ZNF678: variants seen among roughly 807,000 people sequenced by gnomAD.
ZNF678 encodes the protein zinc finger protein 678.
ZNF678 carries 5 observed loss-of-function variants against 3.0 expected under a neutral mutation model. The ratio of observed to expected loss-of-function variants is 1.69; its 90% confidence interval spans 0.88 to 3.56. The LOEUF is 3.56. Among genes scored for constraint, ZNF678 ranks in the 30% most tolerant of loss-of-function variants. The probability of loss-of-function intolerance (pLI) is 0.00; values close to 1 mark genes in which losing one functional copy is unlikely to be tolerated. For synonymous variants in ZNF678, 218 were observed against 199.6 expected, an observed-to-expected ratio of 1.09 and a Z score of -0.78; for missense variants, 593 against 605.0, an observed-to-expected ratio of 0.98 and a Z score of 0.21.
At chr1:227,586,581 A>G (rs1305933744) in intron 1 of ZNF678, among the ~76,000 whole-genome samples, 1 of 152,230 alleles carries the variant, frequency 6.6e-6, no homozygotes. Context: ...ATAAGTAACT[A>G]AGAGTCTGCT....
At chr1:227,634,408 C>T (rs1658624145) in intron 1 of ZNF678, among the ~76,000 whole-genome samples, 1 of 152,140 alleles carries the variant, frequency 6.6e-6, no homozygotes, top group South Asian at 2.1e-4. Context: ...AGGTATAGCA[C>T]CAAGTGAGCT....
intron 1 of ZNF678, among the ~76,000 whole-genome samples, chr1:227,642,040 G>A (rs1479601004): frequency 6.6e-6 from 1 of 152,180 alleles, no homozygotes; most frequent in African/African-American, 2.4e-5. Context: ...TGTTAGAGAA[G>A]GCTTCATGAG....
chr1:227,633,928 C>A (rs1658613256), intron 1 of ZNF678, among the ~76,000 whole-genome samples: 1 of 152,198 alleles, frequency 6.6e-6, no homozygotes, highest in Non-Finnish European at 1.5e-5. Flanking sequence ...CTCCCCTAAC[C>A]CCAGGCTTCA....
At chr1:227,678,178 G>A (rs2102824288), downstream of ZNF678, among the ~76,000 whole-genome samples, 1 of 152,272 alleles carries the variant, frequency 6.6e-6, no homozygotes, top group African/African-American at 2.4e-5. Flanking sequence ...AGGGTATGGG[G>A]ATATAAACGC....
downstream of ZNF678, among the ~76,000 whole-genome samples, chr1:227,666,144 C>A (rs1659501252): frequency 6.6e-6 from 1 of 152,158 alleles, no homozygotes; most frequent in Non-Finnish European, 1.5e-5. Flanking sequence ...TCTGATACTT[C>A]TGAAATGGTA....
intron 1 of ZNF678, among the ~76,000 whole-genome samples, chr1:227,578,141 T>C (rs1188617901): frequency 6.6e-6 from 1 of 152,240 alleles, no homozygotes; most frequent in Admixed American, 6.5e-5. Flanking sequence ...GTAGGTTACC[T>C]GACCTTTCTC....
chr1:227,597,359 A>G (rs896827073), intron 1 of ZNF678, among the ~76,000 whole-genome samples: 2 of 152,238 alleles, frequency 1.3e-5, no homozygotes, highest in Non-Finnish European at 2.9e-5. Flanking sequence ...CGTCATAGCC[A>G]TCACGAACGT....
chr1:227,638,090 A>C lies in ZNF678; in HGVS notation c.-163-8454A>C, dbSNP rs945298739. ...AGAGGTCGTGAGCAAGGGCCTGTCC[A>C]AAAAGGTGGGGGCTGTCTCTGAAAC... is the stretch of plus-strand genomic sequence containing the variant. On this transcript the variant is annotated intron_variant, in intron 1 of 3. Coordinates refer to ENST00000343776, the MANE Select transcript of ZNF678 (RefSeq NM_001367909.1). This position sits in a 1 kb window ranked among gnomAD's most constrained non-coding sequence, Gnocchi z 4.2. 3.9e-5 allele frequency among the ~76,000 whole-genome samples: 6 copies of C among 152,154 alleles called. No individual in the cohort carries two copies.
chr1:227,641,228 T>C (rs1377630525), intron 1 of ZNF678, among the ~76,000 whole-genome samples: 9 of 152,138 alleles, frequency 5.9e-5, no homozygotes, highest in Non-Finnish European at 1.2e-4. Flanking sequence ...CAGCACCAGA[T>C]GTAAGGTTCT....
intron 1 of ZNF678, among the ~76,000 whole-genome samples, chr1:227,584,019 C>G (rs563702862): frequency 3.3e-5 from 5 of 152,286 alleles, no homozygotes; most frequent in African/African-American, 1.2e-4. Context: ...GACAATCTTT[C>G]TTATCAGGTA....
At chr1:227,665,528 C>T (rs767015997), downstream of ZNF678, among the ~76,000 whole-genome samples, 13 of 152,248 alleles carry the variant, frequency 8.5e-5, no homozygotes, top group African/African-American at 2.6e-4. Flanking sequence ...GGTTGTAGGC[C>T]GGAGGCTTAA....
intron 1 of ZNF678, among the ~76,000 whole-genome samples, chr1:227,569,064 T>A (rs1156906218): frequency 1.3e-5 from 2 of 152,184 alleles, no homozygotes; most frequent in East Asian, 3.9e-4. Flanking sequence ...CAATCATAGC[T>A]AACTGCAACC....
At chr1:227,568,955 T>A (rs1656767035) in intron 1 of ZNF678, among the ~76,000 whole-genome samples, 1 of 152,168 alleles carries the variant, frequency 6.6e-6, no homozygotes. Context: ...GAAGGGAGGC[T>A]CTGTTCTGTA....
At chr1:227,644,112 G>A (rs1371160353) in intron 1 of ZNF678, among the ~76,000 whole-genome samples, 2 of 152,092 alleles carry the variant, frequency 1.3e-5, no homozygotes, top group Middle Eastern at 3.4e-3. Flanking sequence ...TGATCCGCCC[G>A]CCTCAGCCTC....
rs1394544895 is a variant in ZNF678, at chr1:227,655,201, A to AG, written c.952dup (p.Glu318GlyfsTer7). ...CTCGTCATAAAAGAATTCATACTGG[A>AG]GAAAAACCCTACCAATGTGAAGAAT... On this transcript the variant is annotated frameshift_variant, in exon 4 of 4. Transcript: ENST00000343776. LOFTEE classifies it low-confidence loss of function (END_TRUNC). 6.2e-7 allele frequency: 1 copy of AG among 1,612,074 alleles called. No homozygotes were observed. The highest frequency in any genetic ancestry group is 1.3e-5 in the African/African-American group (1 of 74,844).
intron 1 of ZNF678, among the ~76,000 whole-genome samples, chr1:227,622,684 C>T (rs1419178639): frequency 6.6e-6 from 1 of 152,092 alleles, no homozygotes; most frequent in Non-Finnish European, 1.5e-5. Context: ...ATATAATGTA[C>T]TATTTTTACA....
intron 1 of ZNF678, among the ~76,000 whole-genome samples, chr1:227,584,137 A>G (rs921519253): frequency 6.6e-6 from 1 of 152,114 alleles, no homozygotes; most frequent in Admixed American, 6.5e-5. Flanking sequence ...TTGAATTAAC[A>G]TTTTGTTGCA....
chr1:227,643,038 T>A (rs545984677), intron 1 of ZNF678, among the ~76,000 whole-genome samples: 1 of 152,284 alleles, frequency 6.6e-6, no homozygotes, highest in African/African-American at 2.4e-5. Context: ...GTGGCCTGTT[T>A]TTTTAAAAAG....
chr1:227,595,527 T>A (rs1166151791), intron 1 of ZNF678, among the ~76,000 whole-genome samples: 3 of 152,130 alleles, frequency 2.0e-5, no homozygotes, highest in Non-Finnish European at 4.4e-5. Context: ...TACTCCATAG[T>A]CTCCTTTAAA....
Sources: gnomAD v4.1 joint callset for allele counts (sites outside exome capture counted in the v4.1 genomes callset) on GRCh38, gnomAD v4.1.1 for gene constraint, Gnocchi (gnomAD v3.1) non-coding constraint, MANE v1.5 for transcripts, NCBI Gene and HGNC (gene_info 2026-07-23, HGNC 2026-07-21) for gene names.